IFT88: variants seen among roughly 807,000 people sequenced by gnomAD.
IFT88 encodes intraflagellar transport 88, also known as intraflagellar transport protein 88 homolog.
IFT88 carries 74 observed loss-of-function variants against 119.5 expected under a neutral mutation model. The observed-to-expected ratio is 0.62, with a 90% CI of 0.51 to 0.75. The LOEUF is 0.75. IFT88 is among the 30% of genes least tolerant of loss of function. IFT88 has a pLI of 0.00. For synonymous variants in IFT88, 279 were observed against 316.7 expected, an observed-to-expected ratio of 0.88 and a Z score of 1.26; for missense variants, 961 against 977.7, an observed-to-expected ratio of 0.98 and a Z score of 0.23.
intron 13 of IFT88, chr13:20,607,899 G>T: frequency 1.4e-6 from 1 of 695,164 alleles, no homozygotes; most frequent in South Asian, 1.4e-5. Flanking sequence ...TGGGCATAAT[G>T]ACTGCCATCC....
intron 3 of IFT88, among the ~76,000 whole-genome samples, chr13:20,588,937 C>A (rs1566092987): frequency 6.6e-6 from 1 of 152,168 alleles, no homozygotes; most frequent in Non-Finnish European, 1.5e-5. Context: ...GGGCTGCGTT[C>A]TTGGCAGGCC....
intron 14 of IFT88, among the ~76,000 whole-genome samples, chr13:20,618,189 G>A (rs9509302): frequency 0.4 from 60,261 of 152,092 alleles, 13,935 homozygotes; most frequent in Non-Finnish European, 0.53. Context: ...CAAAGCGCTG[G>A]GATTATGGTC....
chr13:20,615,020 T>C (rs1314371362), intron 13 of IFT88, among the ~76,000 whole-genome samples: 2 of 152,262 alleles, frequency 1.3e-5, no homozygotes, highest in African/African-American at 4.8e-5. Flanking sequence ...TTTCACCATG[T>C]TAGCCAGGAT....
chr13:20,683,022 G>A (rs1223697692), intron 24 of IFT88, among the ~76,000 whole-genome samples: 1 of 152,172 alleles, frequency 6.6e-6, no homozygotes, highest in Non-Finnish European at 1.5e-5. Flanking sequence ...CTCATAAGTT[G>A]TATAACTGAA....
intron 20 of IFT88, among the ~76,000 whole-genome samples, chr13:20,648,661 A>G (rs1208819072): frequency 6.6e-6 from 1 of 152,222 alleles, no homozygotes; most frequent in Non-Finnish European, 1.5e-5. Flanking sequence ...GCAGAAGCAA[A>G]TCCTTCTGTG....
intron 16 of IFT88, 75 bp downstream of exon 16, chr13:20,631,177 TA>T (rs1251471948): frequency 2.2e-6 from 2 of 917,264 alleles, no homozygotes; most frequent in African/African-American, 3.2e-5. Context: ...GGATCATGCC[TA>T]GGGAGAGGTC....
chr13:20,597,018 T>C lies in IFT88; in HGVS notation c.493T>C (p.Leu165=). 6.3e-7 allele frequency: 1 copy of C among 1,593,076 alleles called. No individual in the cohort carries two copies. Among genetic ancestry groups the C allele is most frequent in the South Asian group, 1.1e-5 (1 of 87,686 alleles). Residue 165 remains leucine (L), a synonymous_variant, in exon 9 of 26, where the codon TTA becomes CTA. Transcript: ENST00000351808. ...ANSCGDLKLA[L]EKAKDAGRKE... is the part of the protein sequence containing the mutation. ...CAAGGTATAAATCTGATTTCAGGCC[T>C]TAGAAAAGGCAAAAGATGCAGGAAG...
At chr13:20,663,661 A>G (rs878883238) in intron 23 of IFT88, 57 bp downstream of exon 23, 185 of 1,226,722 alleles carry the variant, frequency 1.5e-4, no homozygotes, top group South Asian at 1.7e-4. Context: ...TCAGCCTTCT[A>G]TAGCTCAAAT....
At chr13:20,674,380 A>G (rs534253030) in intron 24 of IFT88, among the ~76,000 whole-genome samples, 1 of 152,314 alleles carries the variant, frequency 6.6e-6, no homozygotes, top group Admixed American at 6.5e-5. Context: ...TGTCCTCAAG[A>G]CACAAGAATT....
At chr13:20,624,672 A>G (rs951097553) in intron 14 of IFT88, among the ~76,000 whole-genome samples, 1 of 152,142 alleles carries the variant, frequency 6.6e-6, no homozygotes, top group Admixed American at 6.5e-5. Flanking sequence ...TCTCTCTCTC[A>G]CACACAACAC....
Position 20,582,984 on chromosome 13 carries a change from C to T in IFT88, c.118C>T (p.Gln40Ter). ...EELENDAAFQQAVRTSHGRRP... is the reference protein window; with the variant it reads ...EELENDAAFQ Reference sequence around the variant, plus strand: ...ATTGGAGAATGATGCAGCTTTTCAGCAAGCTGTGAGGACTAGTCATGGCAG... The same window carrying T: ...ATTGGAGAATGATGCAGCTTTTCAGTAAGCTGTGAGGACTAGTCATGGCAG... Residue 40 changes from glutamine (Q) to a stop codon, truncating the protein, a stop_gained, in exon 3 of 26, where the codon CAA becomes TAA. Transcript: ENST00000351808. LOFTEE classifies it high-confidence loss of function. 1 of 1,612,520 alleles carries T rather than the reference C, an allele frequency of 6.2e-7. No homozygotes were observed. Among genetic ancestry groups the T allele is most frequent in the East Asian group, 2.2e-5 (1 of 44,848 alleles).
intron 3 of IFT88, among the ~76,000 whole-genome samples, chr13:20,586,521 G>A (rs1381161778): frequency 1.6e-5 from 2 of 125,896 alleles, no homozygotes; most frequent in South Asian, 3.2e-4. Flanking sequence ...GGGATATGTA[G>A]AATTGAGATT....
At position 20,611,770 on chromosome 13, in the gene IFT88, A is replaced by C. The variant is rs147159519; in HGVS notation, c.1113-4023A>C. Among the ~76,000 whole-genome samples, 1,494 of 151,950 alleles carry C rather than the reference A, an allele frequency of 9.8e-3. 25 individuals are homozygous for C. The highest frequency in any genetic ancestry group is 0.034 in the African/African-American group (1,402 of 41,464). ...CAGGCGCCTGCCACCATGCCCGGCT[A>C]ATTTTTTGTATTTTTAGTAGACATA... is the stretch of plus-strand genomic sequence containing the variant. On this transcript the variant is annotated intron_variant, in intron 13 of 25. Coordinates refer to ENST00000351808, the MANE Select transcript of IFT88 (RefSeq NM_006531.5).
At chr13:20,625,883 A>G (rs1459803507) in intron 15 of IFT88, 34 bp downstream of exon 15, 3 of 1,147,516 alleles carry the variant, frequency 2.6e-6, no homozygotes, top group African/African-American at 1.6e-5. Context: ...ATGGAATTCC[A>G]TATCTTAATT....
At chr13:20,671,705 A>T (rs2055887753) in intron 24 of IFT88, among the ~76,000 whole-genome samples, 1 of 152,182 alleles carries the variant, frequency 6.6e-6, no homozygotes, top group South Asian at 2.1e-4. Context: ...GTGTAAGTTA[A>T]ACTTAGTACA....
chr13:20,568,719 C>T (rs1298959440), intron 1 of IFT88, among the ~76,000 whole-genome samples: 3 of 151,982 alleles, frequency 2.0e-5, no homozygotes, highest in Non-Finnish European at 4.4e-5. Flanking sequence ...ACTTTTAATA[C>T]CTTTTTTTTT....
At chr13:20,580,935 C>T (rs2138250799) in intron 2 of IFT88, among the ~76,000 whole-genome samples, 1 of 152,068 alleles carries the variant, frequency 6.6e-6, no homozygotes, top group Middle Eastern at 3.4e-3. Flanking sequence ...CCGTGTTAGC[C>T]AGGATGGTCT....
At chr13:20,656,839 T>G (rs1387132364) in intron 22 of IFT88, among the ~76,000 whole-genome samples, 2 of 152,224 alleles carry the variant, frequency 1.3e-5, no homozygotes, top group African/African-American at 4.8e-5. Context: ...AACTGAACAT[T>G]AATAATCTTG....
chr13:20,603,355 C>T (rs1300280423), intron 12 of IFT88, among the ~76,000 whole-genome samples: 2 of 148,498 alleles, frequency 1.3e-5, no homozygotes. Context: ...CTATTCACTC[C>T]AGCCTGGGTG....
Sources: allele counts gnomAD v4.1 joint callset (sites outside exome capture counted in the v4.1 genomes callset), GRCh38; gene constraint gnomAD v4.1.1; transcripts MANE v1.5; gene names NCBI Gene and HGNC (gene_info 2026-07-23, HGNC 2026-07-21).